The following ADAMTSL1 variants were observed in gnomAD, a reference collection of about 807,000 sequenced individuals.
The protein encoded by ADAMTSL1 is ADAMTS-like protein 1.
ADAMTSL1 carries 126 observed loss-of-function variants against 201.8 expected under a neutral mutation model. The observed-to-expected ratio is 0.62, with a 90% confidence interval of 0.54 to 0.72. ADAMTSL1 has a LOEUF of 0.72. Among genes scored for constraint, ADAMTSL1 ranks in the 30% least tolerant of loss-of-function variants. The pLI is 0.00. For synonymous variants in ADAMTSL1, 1,121 were observed against 903.4 expected, an observed-to-expected ratio of 1.24 and a Z score of -4.32; for missense variants, 2,679 against 2,277.8, an observed-to-expected ratio of 1.18 and a Z score of -3.59.
chr9:18,288,754 C>T (rs1478682260), intron 2 of ADAMTSL1, among the ~76,000 whole-genome samples: 1 of 152,224 alleles, frequency 6.6e-6, no homozygotes, highest in East Asian at 1.9e-4. Context: ...GAGAAATACC[C>T]TCAGGTCTCT....
intron 14 of ADAMTSL1, among the ~76,000 whole-genome samples, chr9:18,711,986 G>A (rs372455407): frequency 1.4e-5 from 2 of 147,002 alleles, no homozygotes; most frequent in African/African-American, 2.6e-5. Context: ...AGCAGGGGCA[G>A]ACTGACACCT....
At chr9:18,799,316 A>C (rs946064355) in intron 20 of ADAMTSL1, among the ~76,000 whole-genome samples, 1 of 152,234 alleles carries the variant, frequency 6.6e-6, no homozygotes, top group African/African-American at 2.4e-5. Context: ...TGATGTGTGC[A>C]GACATAAGCA....
intron 1 of ADAMTSL1, among the ~76,000 whole-genome samples, chr9:18,031,605 G>C (rs1326306966): frequency 6.6e-6 from 1 of 152,098 alleles, no homozygotes; most frequent in African/African-American, 2.4e-5. Flanking sequence ...CAGTGCTCTG[G>C]GGAAGGGGAG....
intron 1 of ADAMTSL1, among the ~76,000 whole-genome samples, chr9:18,095,305 T>C (rs1333820589): frequency 1.3e-5 from 2 of 152,310 alleles, no homozygotes; most frequent in East Asian, 1.9e-4. Flanking sequence ...TATATTTAGA[T>C]GGTTTTCAAT....
intron 1 of ADAMTSL1, among the ~76,000 whole-genome samples, chr9:18,056,249 T>C (rs1449042622): frequency 6.6e-6 from 1 of 152,188 alleles, no homozygotes; most frequent in East Asian, 1.9e-4. Flanking sequence ...AAGCAATTTT[T>C]CCCCTAAAGG....
chr9:18,901,023 G>A lies in ADAMTSL1; in HGVS notation c.4852-4759G>A, dbSNP rs563773201. Among the ~76,000 whole-genome samples the A allele has an allele frequency of 3.9e-5, 6 of 152,196 alleles. No individual in the cohort carries two copies. In the East Asian group the frequency reaches 1.2e-3, roughly 29 times the overall value. ...CCTCCCGTCTCTTACCATGTGACAA[G>A]CCAGCTCCTCTTGCCTTCCTCTATG... On this transcript the variant is annotated intron_variant, in intron 26 of 28. Coordinates refer to ENST00000380548, the MANE Select transcript of ADAMTSL1 (RefSeq NM_001040272.6).
At chr9:17,986,912 G>A (rs999750562) in intron 1 of ADAMTSL1, among the ~76,000 whole-genome samples, 1 of 152,076 alleles carries the variant, frequency 6.6e-6, no homozygotes, top group Non-Finnish European at 1.5e-5. Context: ...AAATGTAAAT[G>A]TGTGCTATTT....
rs371891866 is a variant in ADAMTSL1 at position 18,829,938 on chromosome 9, A to G, written c.4210A>G (p.Thr1404Ala). 3.1e-6 allele frequency: 5 copies of G among 1,613,544 alleles called. No individual in the cohort carries two copies. The highest frequency in any genetic ancestry group is 1.3e-5 in the African/African-American group (1 of 74,894). ...TTCAGTGCTGACGTCTCCTCTGGGAACACAGCTGGTCCTGGATCCTGGGAA... is the reference window on the plus strand; with the variant it reads ...TTCAGTGCTGACGTCTCCTCTGGGAGCACAGCTGGTCCTGGATCCTGGGAA... ...LPSVLTSPLG[T>A]QLVLDPGNSA... Residue 1404 changes from threonine (T) to alanine (A), a missense_variant, in exon 23 of 29, where the codon ACA (threonine) becomes GCA (alanine). Transcript: ENST00000380548.
At chr9:18,384,698 C>G (rs768627661) in intron 2 of ADAMTSL1, among the ~76,000 whole-genome samples, 2 of 152,140 alleles carry the variant, frequency 1.3e-5, no homozygotes, top group Non-Finnish European at 2.9e-5. Context: ...TCCTCTGGGT[C>G]AAACCCAATA....
chr9:18,232,568 A>G (rs774183126), intron 2 of ADAMTSL1, among the ~76,000 whole-genome samples: 10 of 152,210 alleles, frequency 6.6e-5, no homozygotes, highest in Admixed American at 2.6e-4. Context: ...TTAAAACTTA[A>G]TAAATATGTG....
chr9:17,980,014 G>A (rs1011645149), intron 1 of ADAMTSL1, among the ~76,000 whole-genome samples: 2 of 152,140 alleles, frequency 1.3e-5, no homozygotes, highest in Admixed American at 6.5e-5. Context: ...TGAGCATAGT[G>A]CTGGGGTCAC....
intron 7 of ADAMTSL1, among the ~76,000 whole-genome samples, chr9:18,652,365 CAA>C (rs34900718): frequency 0.016 from 1,542 of 94,888 alleles, 16 homozygotes; most frequent in African/African-American, 0.043. Context: ...AACTCCATCT[CAA>C]AAAAAAAAAA....
intron 4 of ADAMTSL1, among the ~76,000 whole-genome samples, chr9:18,591,821 C>T (rs1930265): frequency 6.6e-6 from 1 of 152,116 alleles, no homozygotes; most frequent in Non-Finnish European, 1.5e-5. Flanking sequence ...TTGACTAACT[C>T]TTGGAAAGCA....
chr9:18,077,063 G>A (rs554418436), intron 1 of ADAMTSL1, among the ~76,000 whole-genome samples: 1 of 152,284 alleles, frequency 6.6e-6, no homozygotes, highest in East Asian at 1.9e-4. Context: ...GATGGGAAGA[G>A]TGAAAGAGAA....
chr9:18,564,375 G>T lies in ADAMTSL1; in HGVS notation c.238-9655G>T, dbSNP rs73644245. ...AACCAGTCCCAGTGAGATGACCGGG[G>T]TACCTCAGTTGGAAATGCCGAAATC... On this transcript the variant is annotated intron_variant, in intron 3 of 28. Transcript: ENST00000380548. Among the ~76,000 whole-genome samples the T allele has an allele frequency of 1.0e-2, 1,514 of 152,112 alleles. 35 individuals carry two copies. The highest frequency in any genetic ancestry group is 0.035 in the African/African-American group (1,461 of 41,492).
At chr9:18,463,120 T>C (rs1820871368) in intron 2 of ADAMTSL1, among the ~76,000 whole-genome samples, 1 of 152,094 alleles carries the variant, frequency 6.6e-6, no homozygotes, top group Non-Finnish European at 1.5e-5. Context: ...AATATTTCTT[T>C]AATATTGGCT....
chr9:18,035,377 G>T (rs1308440556), intron 1 of ADAMTSL1, among the ~76,000 whole-genome samples: 1 of 152,184 alleles, frequency 6.6e-6, no homozygotes, highest in Non-Finnish European at 1.5e-5. Context: ...GCCAAAGGAG[G>T]AGCAAAAAGT....
intron 14 of ADAMTSL1, among the ~76,000 whole-genome samples, chr9:18,710,181 C>T (rs1298485018): frequency 6.6e-6 from 1 of 152,190 alleles, no homozygotes; most frequent in Non-Finnish European, 1.5e-5. Flanking sequence ...TTCATGCTCC[C>T]CAGGCAACCC....
intron 23 of ADAMTSL1, among the ~76,000 whole-genome samples, chr9:18,835,406 A>G (rs1365424926): frequency 6.6e-6 from 1 of 152,164 alleles, no homozygotes; most frequent in Non-Finnish European, 1.5e-5. Context: ...ACTTTGTCCC[A>G]GTCAGCAGCT....
Sources: gnomAD v4.1 joint callset for allele counts (sites outside exome capture counted in the v4.1 genomes callset) on GRCh38, gnomAD v4.1.1 for gene constraint, MANE v1.5 for transcripts, NCBI Gene and HGNC (gene_info 2026-07-23, HGNC 2026-07-21) for gene names.